PIGK: variants seen among roughly 807,000 people sequenced by gnomAD.
PIGK encodes the protein phosphatidylinositol glycan anchor biosynthesis class K.
A neutral mutation model predicts 50.6 loss-of-function variants in PIGK; 42 were observed. The ratio of observed to expected loss-of-function variants is 0.83; its 90% CI spans 0.65 to 1.07. PIGK has a LOEUF of 1.07. PIGK is among the 50% of genes least tolerant of loss of function. The probability of loss-of-function intolerance (pLI) is 0.00; values close to 1 mark genes in which losing one functional copy is unlikely to be tolerated. For missense variants in PIGK, 448 were observed against 488.7 expected, an observed-to-expected ratio of 0.92 and a Z score of 0.78; for synonymous variants, 151 against 156.0, an observed-to-expected ratio of 0.97 and a Z score of 0.24.
Position 77,096,175 on chromosome 1 carries a change from C to A in PIGK, c.1072-3685G>T, listed in dbSNP as rs997547446. ...ACAACAGGCTGAAATAAAAAGGGAGCTGGATGACATAATTTTGTAACAGCA... is the reference window on the plus strand; with the variant it reads ...ACAACAGGCTGAAATAAAAAGGGAGATGGATGACATAATTTTGTAACAGCA... On this transcript the variant is annotated intron_variant, in intron 10 of 10. Transcript: ENST00000370812. 4.6e-5 allele frequency among the ~76,000 whole-genome samples: 7 copies of A among 152,044 alleles called. No homozygotes were observed. The East Asian group carries it at 1.2e-3, about 25-fold the overall frequency.
In PIGK at chr1:77,100,514, A is replaced by G. The variant is rs144043508; in HGVS notation, c.1072-8024T>C. On this transcript the variant is annotated intron_variant, in intron 10 of 10. Transcript: ENST00000370812. ...TATAATACCTATCCCTTGAGTCTGGACAAGACCTGTGAATATGATGCACTA... is the reference window on the plus strand; with the variant it reads ...TATAATACCTATCCCTTGAGTCTGGGCAAGACCTGTGAATATGATGCACTA... 3.6e-4 allele frequency among the ~76,000 whole-genome samples: 55 copies of G among 152,302 alleles called. 1 individual carries two copies. In the East Asian group the frequency reaches 0.011, roughly 29 times the overall value.
chr1:77,210,331 T>C (rs1273725009), intron 2 of PIGK, 105 bp downstream of exon 2: 6 of 579,238 alleles, frequency 1.0e-5, no homozygotes, highest in Non-Finnish European at 1.8e-5. Flanking sequence ...ATTTCTGATA[T>C]AAAATGTAAA....
chr1:77,112,399 C>A lies in PIGK; in HGVS notation c.1071+9876G>T, dbSNP rs561670840. Among the ~76,000 whole-genome samples the A allele has an allele frequency of 5.9e-5, 9 of 152,064 alleles. No homozygotes were observed. The South Asian group carries it at 1.7e-3, about 28-fold the overall frequency. Reference sequence around the variant, plus strand: ...GAACTGTGTTTTAATTTGTCTCTATCCAGTCAGTTTCTGTATTTATATGAG... The same window carrying A: ...GAACTGTGTTTTAATTTGTCTCTATACAGTCAGTTTCTGTATTTATATGAG... On this transcript the variant is annotated intron_variant, in intron 10 of 10. Transcript: ENST00000370812.
intron 10 of PIGK, among the ~76,000 whole-genome samples, chr1:77,096,324 C>T (rs1206227222): frequency 1.3e-5 from 2 of 152,098 alleles, no homozygotes; most frequent in East Asian, 1.9e-4. Context: ...TTGGCTGTGT[C>T]CATACCCTCT....
At chr1:77,199,826 G>A (rs1656120562) in intron 3 of PIGK, among the ~76,000 whole-genome samples, 1 of 151,966 alleles carries the variant, frequency 6.6e-6, no homozygotes, top group Admixed American at 6.6e-5. Flanking sequence ...TAATATTCAT[G>A]TAACATTTAC....
chr1:77,148,071 T>C (rs191407763), intron 9 of PIGK, among the ~76,000 whole-genome samples: 1 of 152,324 alleles, frequency 6.6e-6, no homozygotes, highest in African/African-American at 2.4e-5. Flanking sequence ...TAACTGTCAA[T>C]TTTAATAACA....
chr1:77,157,014 T>C (rs1317979364), intron 8 of PIGK, among the ~76,000 whole-genome samples: 1 of 152,224 alleles, frequency 6.6e-6, no homozygotes, highest in Non-Finnish European at 1.5e-5. Context: ...GAAAATTACC[T>C]GGAGGATCCA....
Position 77,206,746 on chromosome 1 carries a change from CA to C in PIGK, c.148-16del. On this transcript the variant is annotated splice_polypyrimidine_tract_variant and intron_variant, in intron 2 of 10. Coordinates refer to ENST00000370812, the MANE Select transcript of PIGK (RefSeq NM_005482.3). ...GATGTACACACCTGAAGTATTAAAA[CA>C]AAAACAGAATTTTTATGCATCAAGG... 1 of 1,531,844 alleles carries C rather than the reference CA, an allele frequency of 6.5e-7. No homozygotes were observed. The highest frequency in any genetic ancestry group is 9.0e-7 in the Non-Finnish European group (1 of 1,107,116). 94.9% of individuals were successfully genotyped at this position (1,531,844 alleles called of 1,614,324 possible).
chr1:77,113,489 T>C (rs1014087256), intron 10 of PIGK, among the ~76,000 whole-genome samples: 2 of 152,122 alleles, frequency 1.3e-5, no homozygotes, highest in Non-Finnish European at 2.9e-5. Flanking sequence ...ACTCATAAGT[T>C]AATGCTTATC....
chr1:77,129,313 T>G, intron 9 of PIGK: 2 of 1,596,646 alleles, frequency 1.3e-6, no homozygotes, highest in Non-Finnish European at 8.6e-7. Flanking sequence ...AATGGTGGAG[T>G]TGGCAGGTGT....
chr1:77,096,553 C>T (rs775572176), intron 10 of PIGK, among the ~76,000 whole-genome samples: 3 of 152,132 alleles, frequency 2.0e-5, no homozygotes, highest in Non-Finnish European at 4.4e-5. Context: ...ACAGAAGAGC[C>T]GAGCTTCCCT....
At chr1:77,155,579 CAG>C (rs761861860) in intron 8 of PIGK, among the ~76,000 whole-genome samples, 80 of 148,834 alleles carry the variant, frequency 5.4e-4, no homozygotes, top group Non-Finnish European at 1.5e-4. Context: ...GGGGAAAAAA[CAG>C]AGAGTGAAAT....
chr1:77,183,934 T>G (rs1394475106), intron 3 of PIGK, among the ~76,000 whole-genome samples: 1 of 152,146 alleles, frequency 6.6e-6, no homozygotes, highest in African/African-American at 2.4e-5. Context: ...ACCAATGCCT[T>G]GCGAAATAGA....
At chr1:77,217,027 C>T (rs568100356) in intron 1 of PIGK, among the ~76,000 whole-genome samples, 1 of 152,276 alleles carries the variant, frequency 6.6e-6, no homozygotes, top group East Asian at 1.9e-4. Context: ...AAAAAGCATG[C>T]TGCTTTCTCT....
chr1:77,217,058 A>C (rs1656585315), intron 1 of PIGK, among the ~76,000 whole-genome samples: 1 of 152,220 alleles, frequency 6.6e-6, no homozygotes, highest in African/African-American at 2.4e-5. Flanking sequence ...GAGTTCAATA[A>C]AGAGGAGCAT....
intron 10 of PIGK, among the ~76,000 whole-genome samples, chr1:77,092,813 T>C (rs944292063): frequency 3.3e-5 from 5 of 152,142 alleles, no homozygotes; most frequent in Admixed American, 6.6e-5. Context: ...TTTGGATTTA[T>C]ATATTCATTA....
rs140561439 is a variant in PIGK, at chr1:77,138,753, A to T, written c.986+15696T>A. Among the ~76,000 whole-genome samples the T allele has an allele frequency of 1.5e-3, 224 of 152,270 alleles. 1 individual carries two copies. Among genetic ancestry groups the T allele is most frequent in the African/African-American group, 5.2e-3 (215 of 41,558 alleles). ...AACATGAACACCTTAATCCGTGAGG[A>T]TCCTGAGGAACCTCAATTGAGAATG... is the stretch of plus-strand genomic sequence containing the variant. On this transcript the variant is annotated intron_variant, in intron 9 of 10. Transcript: ENST00000370812.
chr1:77,117,785 A>G (rs1382418558), intron 10 of PIGK, among the ~76,000 whole-genome samples: 1 of 151,908 alleles, frequency 6.6e-6, no homozygotes, highest in Non-Finnish European at 1.5e-5. Flanking sequence ...ATCTATTTTT[A>G]TGTCTTTGTT....
intron 9 of PIGK, among the ~76,000 whole-genome samples, chr1:77,152,051 C>G (rs1206685686): frequency 6.6e-6 from 1 of 151,924 alleles, no homozygotes; most frequent in Admixed American, 6.6e-5. Context: ...CTAAAGCAAC[C>G]CTGAGCAAGA....
Sources: gnomAD v4.1 joint callset for allele counts (sites outside exome capture counted in the v4.1 genomes callset) on GRCh38, gnomAD v4.1.1 for gene constraint, MANE v1.5 for transcripts, NCBI Gene and HGNC (gene_info 2026-07-23, HGNC 2026-07-21) for gene names.